The following CYLD variants were observed in gnomAD, a reference collection of about 807,000 sequenced individuals.
CYLD encodes CYLD lysine 63 deubiquitinase.
A neutral mutation model predicts 104.5 loss-of-function variants in CYLD; 26 were observed. That is an observed-to-expected ratio of 0.25 (90% CI 0.18 to 0.35). The LOEUF is 0.35. Among genes scored for constraint, CYLD ranks in the 10% least tolerant of loss-of-function variants. CYLD has a pLI of 1.00. For synonymous variants in CYLD, 385 were observed against 399.9 expected (o/e 0.96, Z 0.45); for missense variants, 703 against 1,136.1 (o/e 0.62, Z 5.48).
Position 50,794,128 on chromosome 16 carries a change from A to C in CYLD, c.2470-84A>C, listed in dbSNP as rs957100169. The stretch of plus-strand genomic sequence containing the variant: ...TTTTTAACAGAGACAGGGTTTCACC[A>C]TCTTGATCAGGCTGGTCTTGAACTC... On this transcript the variant is annotated intron_variant, in intron 17 of 18. Transcript: ENST00000427738. The surrounding 1 kb of genome is among the most constrained non-coding windows in gnomAD (Gnocchi z 4.1). 5 of 1,274,912 alleles carry C rather than the reference A, an allele frequency of 3.9e-6. No individual in the cohort carries two copies. The highest frequency in any genetic ancestry group is 4.6e-6 in the Non-Finnish European group (4 of 875,514). The allele number at this position is 1,274,912 out of a possible 1,614,324, so 79.0% of individuals were successfully genotyped here.
intron 5 of CYLD, among the ~76,000 whole-genome samples, chr16:50,774,960 T>C (rs1969518807): frequency 6.6e-6 from 1 of 152,220 alleles, no homozygotes; most frequent in African/African-American, 2.4e-5. Context: ...TATTATGAGA[T>C]GTTTAAGATA....
intron 4 of CYLD, among the ~76,000 whole-genome samples, chr16:50,753,095 A>G (rs1966762576): frequency 6.6e-6 from 1 of 152,132 alleles, no homozygotes; most frequent in Admixed American, 6.5e-5. Flanking sequence ...GTAATGTTCT[A>G]GTGTAATGGT....
chr16:50,780,010 C>T lies in CYLD; in HGVS notation c.1484C>T (p.Pro495Leu), dbSNP rs764864969. Residue 495 changes from proline to leucine, a missense_variant, in exon 9 of 19, where the codon CCA becomes CTA. Coordinates refer to ENST00000427738, the MANE Select transcript of CYLD (RefSeq NM_001378743.1). ...GTAATCCGTTGGATCGGTCAGCCAC[C>T]AGGACTGAATGAAGTGCTCGCTGGA... ...YGVIRWIGQP[P>L]GLNEVLAGLE... 3 of 1,614,110 alleles carry T rather than the reference C, an allele frequency of 1.9e-6. No individual in the cohort carries two copies. The highest frequency in any genetic ancestry group is 2.5e-6 in the Non-Finnish European group (3 of 1,179,982).
At chr16:50,747,010 C>T (rs1359910808) in intron 2 of CYLD, among the ~76,000 whole-genome samples, 1 of 152,048 alleles carries the variant, frequency 6.6e-6, no homozygotes, top group African/African-American at 2.4e-5. Context: ...AAAAGAATTT[C>T]TTTTCAAAAT....
At position 50,801,350 on chromosome 16, in the gene CYLD, C is replaced by T; in HGVS notation, c.*4842C>T. 1 of 233,544 alleles carries T rather than the reference C, an allele frequency of 4.3e-6. No homozygotes were observed. The highest frequency in any genetic ancestry group is 1.8e-4 in the South Asian group (1 of 5,532). 14.5% of individuals were successfully genotyped at this position (233,544 alleles called of 1,614,324 possible). A position where few individuals can be genotyped will look rare whatever the true frequency, so the allele number is the denominator to read the frequency against. On this transcript the variant is annotated 3_prime_UTR_variant, in exon 19 of 19. Transcript: ENST00000427738. The stretch of plus-strand genomic sequence containing the variant: ...TGGCCCTTTGCCTTGGCAGTGATGG[C>T]ATTTTTATTTCACTGTGTTTTAAAG...
intron 5 of CYLD, among the ~76,000 whole-genome samples, chr16:50,761,954 G>C (rs1003624600): frequency 5.9e-5 from 9 of 152,090 alleles, no homozygotes; most frequent in African/African-American, 2.2e-4. Flanking sequence ...CGTGTAGCGT[G>C]GTATATTTCT....
intron 8 of CYLD, among the ~76,000 whole-genome samples, chr16:50,779,392 T>C (rs1969994244): frequency 6.6e-6 from 1 of 152,218 alleles, no homozygotes; most frequent in Non-Finnish European, 1.5e-5. Context: ...AATTGTATTT[T>C]GGACAAAGAC....
intron 5 of CYLD, among the ~76,000 whole-genome samples, chr16:50,772,703 A>G (rs1398236314): frequency 6.8e-6 from 1 of 147,476 alleles, no homozygotes; most frequent in Non-Finnish European, 1.5e-5. Flanking sequence ...GTATAAAAAG[A>G]TAACTTCCTA....
chr16:50,763,860 A>G lies in CYLD; in HGVS notation c.913+9436A>G, dbSNP rs77370061. Among the ~76,000 whole-genome samples the G allele has an allele frequency of 1.3e-3, 196 of 152,248 alleles. 1 individual carries two copies. Among genetic ancestry groups the G allele is most frequent in the African/African-American group, 4.7e-3 (194 of 41,560 alleles). On this transcript the variant is annotated intron_variant, in intron 5 of 18. Transcript: ENST00000427738. Reference sequence around the variant, plus strand: ...TTTCAACATTTCATTATTAAATGTGATGTTTGCTATAGAGTTTTATTGTTG... The same window carrying G: ...TTTCAACATTTCATTATTAAATGTGGTGTTTGCTATAGAGTTTTATTGTTG...
chr16:50,782,239 A>G lies in CYLD; in HGVS notation c.1685-86A>G, dbSNP rs7192397. On this transcript the variant is annotated intron_variant, in intron 10 of 18. Coordinates refer to ENST00000427738, the MANE Select transcript of CYLD (RefSeq NM_001378743.1). Reference sequence around the variant, plus strand: ...TTGCATCAAAATACAAAAACATTTTAAAATGAAAAAATATTTATGGGAATA... The same window carrying G: ...TTGCATCAAAATACAAAAACATTTTGAAATGAAAAAATATTTATGGGAATA... The G allele has an allele frequency of 3.5e-3, 3,927 of 1,137,114 alleles. 114 individuals are homozygous for G. In the African/African-American group the frequency reaches 0.054, roughly 16 times the overall value. The allele number at this position is 1,137,114 out of a possible 1,614,324, so 70.4% of individuals were successfully genotyped here.
chr16:50,769,406 G>T (rs1334421109), intron 5 of CYLD, among the ~76,000 whole-genome samples: 1 of 152,228 alleles, frequency 6.6e-6, no homozygotes, highest in South Asian at 2.1e-4. Context: ...GTTTTACTCT[G>T]CGCTTCATTG....
At chr16:50,786,274 A>T (rs1274512843) in intron 12 of CYLD, 1 of 152,222 alleles carries the variant, frequency 6.6e-6, no homozygotes, top group Non-Finnish European at 1.5e-5. Context: ...AATATTATTT[A>T]AAAAATCAGT....
intron 5 of CYLD, among the ~76,000 whole-genome samples, chr16:50,757,878 A>G (rs1967448332): frequency 6.6e-6 from 1 of 152,212 alleles, no homozygotes; most frequent in Non-Finnish European, 1.5e-5. Flanking sequence ...AATTTATTTT[A>G]TGAATTAAAG....
chr16:50,753,262 CT>C (rs1966774083), intron 4 of CYLD, among the ~76,000 whole-genome samples: 1 of 152,160 alleles, frequency 6.6e-6, no homozygotes, highest in Admixed American at 6.5e-5. Flanking sequence ...AACCAATATT[CT>C]TTAAATAGTA....
At chr16:50,760,206 G>A (rs1967746188) in intron 5 of CYLD, among the ~76,000 whole-genome samples, 1 of 151,992 alleles carries the variant, frequency 6.6e-6, no homozygotes, top group Non-Finnish European at 1.5e-5. Context: ...AGTATTTAGG[G>A]TTTTCTTTTT....
intron 8 of CYLD, chr16:50,778,249 C>G: frequency 4.8e-6 from 1 of 209,802 alleles, no homozygotes; most frequent in South Asian, 1.1e-4. Context: ...TTTTATCTTC[C>G]CTTGGTCCTG....
At chr16:50,747,471 G>A (rs1219496623) in intron 2 of CYLD, among the ~76,000 whole-genome samples, 2 of 152,180 alleles carry the variant, frequency 1.3e-5, no homozygotes, top group Non-Finnish European at 2.9e-5. Flanking sequence ...CAGATCAAGA[G>A]TTATGCAAAA....
At chr16:50,759,404 G>T (rs564823744) in intron 5 of CYLD, among the ~76,000 whole-genome samples, 5 of 152,158 alleles carry the variant, frequency 3.3e-5, no homozygotes, top group South Asian at 2.1e-4. Flanking sequence ...CATTATAATT[G>T]CAATCTCTCC....
chr16:50,774,223 A>C (rs923772633), intron 5 of CYLD, among the ~76,000 whole-genome samples: 1 of 152,174 alleles, frequency 6.6e-6, no homozygotes, highest in African/African-American at 2.4e-5. Flanking sequence ...ATAATTTAGG[A>C]ACTCTTCTCA....
Sources: gnomAD v4.1 joint callset for allele counts (sites outside exome capture counted in the v4.1 genomes callset) on GRCh38, gnomAD v4.1.1 for gene constraint, Gnocchi (gnomAD v3.1) non-coding constraint, MANE v1.5 for transcripts, NCBI Gene and HGNC (gene_info 2026-07-23, HGNC 2026-07-21) for gene names.